The following METTL15 variants were observed in gnomAD, a reference collection of about 807,000 sequenced individuals.
METTL15 encodes 12S rRNA N(4)-cytidine methyltransferase METTL15.
METTL15 carries 34 observed loss-of-function variants against 38.3 expected under a neutral mutation model. The observed-to-expected ratio is 0.89, with a 90% CI of 0.68 to 1.18. The LOEUF is 1.18. Ranked by LOEUF, METTL15 falls within the 50% of genes most tolerant of loss-of-function variation. The pLI, the probability that METTL15 is intolerant of heterozygous loss-of-function variation, is 0.00. For synonymous variants in METTL15, 162 were observed against 170.9 expected (o/e 0.95, Z 0.41); for missense variants, 438 against 498.4 (o/e 0.88, Z 1.15).
chr11:28,122,562 A>G (rs566354078), intron 3 of METTL15, among the ~76,000 whole-genome samples: 1 of 151,594 alleles, frequency 6.6e-6, no homozygotes, highest in East Asian at 1.9e-4. Flanking sequence ...TTTTATATAT[A>G]TATGTATATA....
chr11:28,224,315 A>G (rs574477323), intron 4 of METTL15, among the ~76,000 whole-genome samples: 1 of 151,944 alleles, frequency 6.6e-6, no homozygotes, highest in African/African-American at 2.4e-5. Context: ...TTAAATGCAT[A>G]ACTGCATTTT....
At chr11:28,309,583 C>T (rs1197246180) in intron 6 of METTL15, among the ~76,000 whole-genome samples, 2 of 152,184 alleles carry the variant, frequency 1.3e-5, no homozygotes, top group Non-Finnish European at 2.9e-5. Context: ...TATCACCATC[C>T]TCTAGCCAAG....
At chr11:28,471,556 G>T (rs1375401794) in intron 6 of METTL15, among the ~76,000 whole-genome samples, 1 of 152,056 alleles carries the variant, frequency 6.6e-6, no homozygotes, top group Non-Finnish European at 1.5e-5. Context: ...TCCAATTGTA[G>T]CCCTCTCTTT....
rs755882884 is a variant in METTL15, at chr11:28,211,199, G to A, written c.407+1G>A. On this transcript the variant is annotated splice_donor_variant, in intron 4 of 6. Transcript: ENST00000407364. LOFTEE classifies it high-confidence loss of function. ...CTGAACATCTTTCAGAGTTGTATCCGTAAGTAATACCCTTGCATATTTATT... is the reference window on the plus strand; with the variant it reads ...CTGAACATCTTTCAGAGTTGTATCCATAAGTAATACCCTTGCATATTTATT... 1.7e-5 allele frequency: 27 copies of A among 1,606,016 alleles called. No individual in the cohort carries two copies. Among genetic ancestry groups the A allele is most frequent in the Admixed American group, 8.5e-5 (5 of 58,610 alleles).
chr11:28,253,941 A>G (rs1337644543), intron 4 of METTL15, among the ~76,000 whole-genome samples: 2 of 152,170 alleles, frequency 1.3e-5, no homozygotes, highest in Admixed American at 6.5e-5. Context: ...TACAACAAAC[A>G]TGGGAGTGCA....
intron 3 of METTL15, among the ~76,000 whole-genome samples, chr11:28,126,709 A>AT (rs1473737508): frequency 6.6e-6 from 1 of 152,154 alleles, no homozygotes; most frequent in Non-Finnish European, 1.5e-5. Flanking sequence ...ATCAGGTACA[A>AT]TGCACTTAGT....
chr11:28,131,449 A>G (rs1258660267), intron 3 of METTL15, among the ~76,000 whole-genome samples: 1 of 149,256 alleles, frequency 6.7e-6, no homozygotes, highest in Non-Finnish European at 1.5e-5. Flanking sequence ...TAATTTCAGC[A>G]TACTTTCTAA....
intron 4 of METTL15, among the ~76,000 whole-genome samples, chr11:28,231,225 A>G (rs1430496066): frequency 6.6e-6 from 1 of 151,846 alleles, no homozygotes; most frequent in Non-Finnish European, 1.5e-5. Flanking sequence ...TTTATTTAAG[A>G]TAAGTGTCAG....
At chr11:28,159,467 C>G (rs1565131836) in intron 3 of METTL15, among the ~76,000 whole-genome samples, 1 of 151,862 alleles carries the variant, frequency 6.6e-6, no homozygotes, top group Admixed American at 6.6e-5. Context: ...AAAACACAAC[C>G]TGCTGAGGTG....
chr11:28,519,091 C>T (rs775973231), intron 6 of METTL15: 1 of 152,220 alleles, frequency 6.6e-6, no homozygotes, highest in Non-Finnish European at 1.5e-5. Flanking sequence ...TAGAGATGGA[C>T]ATCAGAAATA....
chr11:28,399,834 T>G (rs1244208186), intron 5 of METTL15, among the ~76,000 whole-genome samples: 1 of 151,958 alleles, frequency 6.6e-6, no homozygotes, highest in Non-Finnish European at 1.5e-5. Context: ...TATTTAGTCA[T>G]TCCCAAAGTC....
intron 3 of METTL15, among the ~76,000 whole-genome samples, chr11:28,120,569 A>G (rs1051738196): frequency 2.6e-5 from 4 of 152,082 alleles, no homozygotes; most frequent in African/African-American, 9.7e-5. Context: ...AGTATTTGCA[A>G]ATTTCCATGG....
intron 5 of METTL15, among the ~76,000 whole-genome samples, chr11:28,414,448 C>T (rs147412092): frequency 2.0e-5 from 3 of 152,152 alleles, no homozygotes; most frequent in Admixed American, 6.6e-5. Context: ...CTCCGTTCTT[C>T]CCCCAGCCTA....
chr11:28,203,408 G>T lies in METTL15; in HGVS notation c.271-7654G>T, dbSNP rs550101161. 1.7e-4 allele frequency among the ~76,000 whole-genome samples: 26 copies of T among 152,130 alleles called. No individual in the cohort carries two copies. In the South Asian group the frequency reaches 5.2e-3, roughly 30 times the overall value. ...AAAAAATTAGGTTGGTAGAACACTG[G>T]TTGTTTTTAACTGTATTGGAGGAAT... On this transcript the variant is annotated intron_variant, in intron 3 of 6. Transcript: ENST00000407364.
intron 4 of METTL15, among the ~76,000 whole-genome samples, chr11:28,282,866 T>C (rs965433215): frequency 2.6e-5 from 4 of 152,190 alleles, no homozygotes; most frequent in Non-Finnish European, 5.9e-5. Context: ...CCAACTTAGA[T>C]TGCTGACCCA....
chr11:28,378,848 T>A (rs1177493911), intron 5 of METTL15, among the ~76,000 whole-genome samples: 1 of 148,882 alleles, frequency 6.7e-6, no homozygotes, highest in African/African-American at 2.5e-5. Context: ...AGCCATCAGG[T>A]CCTGGGCTTT....
intron 3 of METTL15, among the ~76,000 whole-genome samples, chr11:28,114,665 GGT>G (rs1851866124): frequency 6.6e-6 from 1 of 152,144 alleles, no homozygotes; most frequent in Non-Finnish European, 1.5e-5. Context: ...TGGCCAGGCT[GGT>G]CATGAACTCC....
At chr11:28,263,122 C>G (rs1855276273) in intron 4 of METTL15, among the ~76,000 whole-genome samples, 1 of 151,932 alleles carries the variant, frequency 6.6e-6, no homozygotes, top group Non-Finnish European at 1.5e-5. Context: ...GTGCTCCGAA[C>G]TGAACAGTAT....
intron 5 of METTL15, among the ~76,000 whole-genome samples, chr11:28,366,158 C>G (rs1289890393): frequency 6.6e-6 from 1 of 151,902 alleles, no homozygotes; most frequent in Non-Finnish European, 1.5e-5. Context: ...CATAGATCAT[C>G]TGGAATCTTG....
Sources: gnomAD v4.1 joint callset for allele counts (sites outside exome capture counted in the v4.1 genomes callset) on GRCh38, gnomAD v4.1.1 for gene constraint, MANE v1.5 for transcripts, NCBI Gene and HGNC (gene_info 2026-07-23, HGNC 2026-07-21) for gene names.